Variants in BBS9 observed in about 807,000 individuals in gnomAD.
BBS9 encodes Bardet-Biedl syndrome 9.
Under a neutral mutation model 117.7 loss-of-function variants are expected in BBS9, and 89 were observed. That is an observed-to-expected ratio of 0.76 (90% CI 0.64 to 0.90). The LOEUF is 0.90. Among genes scored for constraint, BBS9 ranks in the 40% least tolerant of loss-of-function variants. The pLI is 0.00. For synonymous variants in BBS9, 379 were observed against 370.9 expected, an observed-to-expected ratio of 1.02 and a Z score of -0.25; for missense variants, 982 against 1,042.2, an observed-to-expected ratio of 0.94 and a Z score of 0.80.
chr7:33,472,165 T>A (rs554904423), intron 19 of BBS9, among the ~76,000 whole-genome samples: 1 of 152,278 alleles, frequency 6.6e-6, no homozygotes, highest in South Asian at 2.1e-4. Context: ...AAATAGTGAC[T>A]CTTGCAGAGA....
At chr7:33,440,549 C>T (rs79074932) in intron 19 of BBS9, among the ~76,000 whole-genome samples, 3,341 of 152,262 alleles carry the variant, frequency 0.022, 64 homozygotes, top group Non-Finnish European at 0.031. Flanking sequence ...CCACAGCTTA[C>T]AATTTTGAGG....
intron 19 of BBS9, among the ~76,000 whole-genome samples, chr7:33,441,979 C>T (rs558457744): frequency 6.6e-6 from 1 of 151,992 alleles, no homozygotes; most frequent in Admixed American, 6.6e-5. Flanking sequence ...GCAGCCTCCA[C>T]CTCCTGGGTT....
intron 9 of BBS9, among the ~76,000 whole-genome samples, chr7:33,335,973 C>T (rs534406162): frequency 1.3e-5 from 2 of 152,152 alleles, no homozygotes; most frequent in South Asian, 4.2e-4. Context: ...ACATCAACTT[C>T]GTTGGTTTTC....
At chr7:33,515,420 G>A (rs1035829424) in intron 20 of BBS9, among the ~76,000 whole-genome samples, 12 of 152,130 alleles carry the variant, frequency 7.9e-5, no homozygotes, top group Admixed American at 5.2e-4. Context: ...CATTGTTGAT[G>A]CGGCATTTCT....
chr7:33,501,767 C>A (rs886983025), intron 19 of BBS9, among the ~76,000 whole-genome samples: 3 of 152,154 alleles, frequency 2.0e-5, no homozygotes, highest in African/African-American at 7.2e-5. Flanking sequence ...TAAGTAACAC[C>A]CACACTCAGA....
At chr7:33,424,672 G>T (rs1176348489) in intron 19 of BBS9, among the ~76,000 whole-genome samples, 5 of 152,104 alleles carry the variant, frequency 3.3e-5, no homozygotes, top group Admixed American at 6.6e-5. Context: ...ACAGAATTTT[G>T]TAGGAAATTT....
chr7:33,305,345 G>A (rs1477277592), intron 9 of BBS9, among the ~76,000 whole-genome samples: 1 of 151,948 alleles, frequency 6.6e-6, no homozygotes, highest in African/African-American at 2.4e-5. Flanking sequence ...TATTCATCAG[G>A]GATACTAGCC....
chr7:33,209,701 C>T (rs1178404956), intron 5 of BBS9, among the ~76,000 whole-genome samples: 1 of 152,106 alleles, frequency 6.6e-6, no homozygotes, highest in Non-Finnish European at 1.5e-5. Context: ...ATAGTACCTC[C>T]TAAGGATCCT....
intron 21 of BBS9, among the ~76,000 whole-genome samples, chr7:33,634,035 C>A (rs1390055090): frequency 6.6e-6 from 1 of 152,220 alleles, no homozygotes; most frequent in Non-Finnish European, 1.5e-5. Context: ...CCCTGCACAG[C>A]CTCCCGCTGG....
At chr7:33,165,701 T>G (rs1359570839) in intron 4 of BBS9, among the ~76,000 whole-genome samples, 2 of 152,148 alleles carry the variant, frequency 1.3e-5, no homozygotes, top group Admixed American at 1.3e-4. Context: ...AAGGTCTTCT[T>G]CTCTACACTG....
chr7:33,264,710 G>C (rs529162615), intron 7 of BBS9, among the ~76,000 whole-genome samples: 52 of 152,188 alleles, frequency 3.4e-4, no homozygotes, highest in African/African-American at 1.2e-3. Flanking sequence ...ATTGTTTGAA[G>C]TGTCTTTTTT....
intron 19 of BBS9, among the ~76,000 whole-genome samples, chr7:33,497,614 C>T (rs766777821): frequency 2.0e-4 from 31 of 152,086 alleles, no homozygotes; most frequent in Non-Finnish European, 3.4e-4. Flanking sequence ...AGTAACAAGC[C>T]TCAGAGGATT....
intron 5 of BBS9, among the ~76,000 whole-genome samples, chr7:33,198,225 AT>A (rs1326790655): frequency 1.3e-5 from 2 of 152,036 alleles, no homozygotes; most frequent in Non-Finnish European, 2.9e-5. Context: ...GTAATCCTAA[AT>A]TTAATTTGGA....
intron 19 of BBS9, among the ~76,000 whole-genome samples, chr7:33,409,957 C>G (rs1221170443): frequency 2.6e-5 from 4 of 151,980 alleles, no homozygotes; most frequent in Non-Finnish European, 4.4e-5. Flanking sequence ...ATGCCTTTTC[C>G]AGTTATCTGT....
chr7:33,175,384 C>A (rs80263944), intron 4 of BBS9, among the ~76,000 whole-genome samples: 1 of 151,922 alleles, frequency 6.6e-6, no homozygotes, highest in African/African-American at 2.4e-5. Flanking sequence ...AGAAATGATT[C>A]TCCTTCAAGA....
intron 19 of BBS9, among the ~76,000 whole-genome samples, chr7:33,481,148 T>G (rs1842468266): frequency 6.6e-6 from 1 of 152,176 alleles, no homozygotes; most frequent in African/African-American, 2.4e-5. Context: ...TATTTAACCT[T>G]GAAGGAAGGG....
chr7:33,488,640 A>G (rs143382701), intron 19 of BBS9, among the ~76,000 whole-genome samples: 15 of 152,314 alleles, frequency 9.8e-5, no homozygotes, highest in Admixed American at 7.2e-4. Flanking sequence ...AGATGAGTAT[A>G]TTGAATATTT....
At chr7:33,420,717 A>T (rs533452445) in intron 19 of BBS9, among the ~76,000 whole-genome samples, 1 of 152,260 alleles carries the variant, frequency 6.6e-6, no homozygotes, top group South Asian at 2.1e-4. Flanking sequence ...TGAGAGATTT[A>T]TGCAGATTAT....
Position 33,350,167 on chromosome 7 carries a change from GT to G in BBS9, c.1432+1000del, listed in dbSNP as rs569867954. On this transcript the variant is annotated intron_variant, in intron 13 of 22. Coordinates refer to ENST00000242067, the MANE Select transcript of BBS9 (RefSeq NM_198428.3). ...CTTTCAAGTCTTTTTTCTTTTTTTA[GT>G]TTACTATAGCTTTTCTGCTAAGGCT... 7.0e-3 allele frequency among the ~76,000 whole-genome samples: 1,065 copies of G among 151,818 alleles called. 17 individuals carry two copies. Among genetic ancestry groups the G allele is most frequent in the African/African-American group, 0.025 (1,021 of 41,440 alleles).
Sources: gnomAD v4.1 joint callset for allele counts (sites outside exome capture counted in the v4.1 genomes callset) on GRCh38, gnomAD v4.1.1 for gene constraint, MANE v1.5 for transcripts, NCBI Gene and HGNC (gene_info 2026-07-23, HGNC 2026-07-21) for gene names.